The following IL1RAPL2 variants were observed in gnomAD, a reference collection of about 807,000 sequenced individuals.
IL1RAPL2 encodes X-linked interleukin-1 receptor accessory protein-like 2.
In IL1RAPL2, 3 loss-of-function variants were observed where a neutral mutation model predicts 44.1. The ratio of observed to expected loss-of-function variants is 0.07; its 90% CI spans 0.03 to 0.18. The LOEUF is 0.18. Ranked by LOEUF, IL1RAPL2 falls within the 10% of genes least tolerant of loss-of-function variation. IL1RAPL2 has a pLI of 1.00. For synonymous variants in IL1RAPL2, 181 were observed against 178.8 expected, an observed-to-expected ratio of 1.01 and a Z score of -0.10; for missense variants, 391 against 496.4, an observed-to-expected ratio of 0.79 and a Z score of 2.02.
intron 6 of IL1RAPL2, among the ~76,000 whole-genome samples, chrX:105,673,757 A>G (rs1406887252): frequency 1.8e-5 from 2 of 111,940 alleles, no homozygotes; most frequent in African/African-American, 3.2e-5. Context: ...GTCTTCCACA[A>G]TGGTTGAACT....
At chrX:105,748,020 T>C (rs1052443685) in intron 8 of IL1RAPL2, among the ~76,000 whole-genome samples, 2 of 111,577 alleles carry the variant, frequency 1.8e-5, no homozygotes, top group Non-Finnish European at 3.8e-5. Context: ...TCAGATTCAG[T>C]ATTTTTCCTA....
chrX:105,121,105 G>A (rs889103582), intron 2 of IL1RAPL2, among the ~76,000 whole-genome samples: 1 of 111,612 alleles, frequency 9.0e-6, no homozygotes, highest in African/African-American at 3.3e-5. Context: ...GAGAAATCTT[G>A]AATAAGACAT....
rs1447680259 is a variant in IL1RAPL2, at chrX:105,097,748, G to C, written c.83-97727G>C. 1.5e-4 allele frequency among the ~76,000 whole-genome samples: 17 copies of C among 111,220 alleles called. No homozygotes were observed. The Admixed American group carries it at 1.6e-3, about 11-fold the overall frequency. The stretch of plus-strand genomic sequence containing the variant: ...TTTTATGGTTCTCTGAATTTTCAGT[G>C]ATCTTTTCCCCTCCCTCCTTCCTCT... On this transcript the variant is annotated intron_variant, in intron 2 of 10. Coordinates refer to ENST00000372582, the MANE Select transcript of IL1RAPL2 (RefSeq NM_017416.2).
intron 1 of IL1RAPL2, among the ~76,000 whole-genome samples, chrX:104,629,060 A>T (rs1929579545): frequency 8.9e-6 from 1 of 112,216 alleles, no homozygotes; most frequent in African/African-American, 3.2e-5. Flanking sequence ...TATAATGGAA[A>T]AATCTATCTA....
chrX:105,158,499 A>G (rs1184188409), intron 2 of IL1RAPL2, among the ~76,000 whole-genome samples: 1 of 112,306 alleles, frequency 8.9e-6, no homozygotes, highest in Non-Finnish European at 1.9e-5. Flanking sequence ...TGGCAATTCC[A>G]TTCATTTTGG....
intron 2 of IL1RAPL2, among the ~76,000 whole-genome samples, chrX:105,008,427 A>T (rs1569360048): frequency 9.1e-6 from 1 of 109,975 alleles, no homozygotes; most frequent in Admixed American, 9.8e-5. Context: ...CAAAAAGAGA[A>T]TTTTTTTTTC....
At chrX:105,564,264 T>C (rs1441517779) in intron 6 of IL1RAPL2, among the ~76,000 whole-genome samples, 3 of 111,610 alleles carry the variant, frequency 2.7e-5, no homozygotes, top group Non-Finnish European at 5.7e-5. Context: ...ATTTAGACCA[T>C]AGCACCAAGT....
At chrX:105,575,697 G>C (rs759287106) in intron 6 of IL1RAPL2, among the ~76,000 whole-genome samples, 74 of 112,489 alleles carry the variant, frequency 6.6e-4, no homozygotes, top group Non-Finnish European at 1.3e-3. Flanking sequence ...CCAGTAATGG[G>C]ATTGCTAGGT....
intron 5 of IL1RAPL2, among the ~76,000 whole-genome samples, chrX:105,366,823 T>C (rs900721228): frequency 4.5e-5 from 5 of 111,893 alleles, no homozygotes; most frequent in Admixed American, 3.8e-4. Flanking sequence ...TCCTGTTGGG[T>C]GAACTAGTCT....
At chrX:104,751,341 T>A (rs1932256501) in intron 2 of IL1RAPL2, among the ~76,000 whole-genome samples, 1 of 111,693 alleles carries the variant, frequency 9.0e-6, no homozygotes, top group Middle Eastern at 4.7e-3. Context: ...TAAAATCTAG[T>A]TCAGAAAAAA....
chrX:104,678,084 C>G (rs185465944), intron 2 of IL1RAPL2, among the ~76,000 whole-genome samples: 22 of 112,651 alleles, frequency 2.0e-4, no homozygotes, highest in African/African-American at 7.1e-4. Flanking sequence ...CAGCTGTAGA[C>G]CAGAGCTGTT....
chrX:105,739,956 G>C (rs1442621759), intron 7 of IL1RAPL2, among the ~76,000 whole-genome samples: 1 of 101,096 alleles, frequency 9.9e-6, no homozygotes, highest in East Asian at 3.2e-4. Context: ...CTAGTTTACA[G>C]TCCCACCAAC....
At chrX:105,015,467 A>G (rs765153872) in intron 2 of IL1RAPL2, among the ~76,000 whole-genome samples, 1 of 111,892 alleles carries the variant, frequency 8.9e-6, no homozygotes, top group Non-Finnish European at 1.9e-5. Flanking sequence ...TAAGTCTTCA[A>G]TCCATCTTGA....
At chrX:105,009,592 C>A (rs2031011270) in intron 2 of IL1RAPL2, among the ~76,000 whole-genome samples, 1 of 66,106 alleles carries the variant, frequency 1.5e-5, no homozygotes, top group Non-Finnish European at 2.7e-5. Context: ...CACACCAGGG[C>A]CTGTTTTGGG....
intron 2 of IL1RAPL2, among the ~76,000 whole-genome samples, chrX:105,105,638 C>A (rs1416813517): frequency 3.6e-5 from 4 of 112,347 alleles, no homozygotes; most frequent in African/African-American, 9.7e-5. Flanking sequence ...AAGGCCAGAT[C>A]TAGGGCTTCT....
chrX:104,909,213 C>A (rs920140704), intron 2 of IL1RAPL2, among the ~76,000 whole-genome samples: 3 of 111,733 alleles, frequency 2.7e-5, no homozygotes, highest in Admixed American at 9.5e-5. Flanking sequence ...TTAAGCACTT[C>A]TCTGTATTGT....
At chrX:105,147,310 G>A (rs1299429412) in intron 2 of IL1RAPL2, among the ~76,000 whole-genome samples, 1 of 111,558 alleles carries the variant, frequency 9.0e-6, no homozygotes, top group African/African-American at 3.3e-5. Context: ...GGGTTAGCTC[G>A]GTGACTAGAA....
intron 2 of IL1RAPL2, among the ~76,000 whole-genome samples, chrX:105,073,530 C>A (rs1165294429): frequency 1.8e-5 from 2 of 110,824 alleles, no homozygotes; most frequent in Non-Finnish European, 3.8e-5. Flanking sequence ...TTTATAGCAG[C>A]ATGATTTATA....
In IL1RAPL2 at chrX:105,240,349, T is replaced by C. The variant is rs551475290; in HGVS notation, c.543+6345T>C. Reference sequence around the variant, plus strand: ...TAGACCATGGAGTTCATTCAAATTGTGTATCTATACAATTTTGGTATTGGC... The same window carrying C: ...TAGACCATGGAGTTCATTCAAATTGCGTATCTATACAATTTTGGTATTGGC... On this transcript the variant is annotated intron_variant, in intron 4 of 10. Transcript: ENST00000372582. Among the ~76,000 whole-genome samples, 61 of 112,777 alleles carry C rather than the reference T, an allele frequency of 5.4e-4. No homozygotes were observed. In the South Asian group the frequency reaches 0.022, roughly 40 times the overall value.
Sources: allele counts gnomAD v4.1 joint callset (sites outside exome capture counted in the v4.1 genomes callset), GRCh38; gene constraint gnomAD v4.1.1; transcripts MANE v1.5; gene names NCBI Gene and HGNC (gene_info 2026-07-23, HGNC 2026-07-21).